The following C11orf65 variants were observed in gnomAD, a reference collection of about 807,000 sequenced individuals.
C11orf65 encodes protein MFI.
In C11orf65, 38 loss-of-function variants were observed where a neutral mutation model predicts 35.3. The ratio of observed to expected loss-of-function variants is 1.08; its 90% confidence interval spans 0.83 to 1.41. The LOEUF (loss-of-function observed/expected upper bound fraction) is 1.41, where lower values mean the gene tolerates loss of function less well. C11orf65 is among the 40% of genes most tolerant of loss of function. The pLI is 0.00. For missense variants in C11orf65, 370 were observed against 367.1 expected (o/e 1.01, Z -0.06); for synonymous variants, 105 against 114.4 (o/e 0.92, Z 0.53).
chr11:108,339,594 A>G (rs1374977627), intron 2 of C11orf65, among the ~76,000 whole-genome samples: 1 of 152,122 alleles, frequency 6.6e-6, no homozygotes, highest in Non-Finnish European at 1.5e-5. Flanking sequence ...TACCAGAGAA[A>G]ACACTGTCAT....
rs984616023 is a variant in C11orf65, at chr11:108,365,151, C to T, written c.226+28057G>A. ...GAAAGCTTTGTATTTACAGCAGAGG[C>T]CGGAAGATGAAACTGAGCTTCACCC... On this transcript the variant is annotated intron_variant, in intron 2 of 3. Coordinates refer to the C11orf65 transcript ENST00000524755. 1 of 1,614,104 alleles carries T rather than the reference C, an allele frequency of 6.2e-7. No homozygotes were observed.
At chr11:108,334,077 A>G (rs1591186010) in intron 3 of C11orf65, 3 of 826,000 alleles carry the variant, frequency 3.6e-6, no homozygotes, top group Admixed American at 3.9e-5. Flanking sequence ...ATATTGGCAA[A>G]TTTCATATGT....
At chr11:108,394,894 G>T (rs2092267289) in intron 6 of C11orf65, among the ~76,000 whole-genome samples, 1 of 151,294 alleles carries the variant, frequency 6.6e-6, no homozygotes, top group African/African-American at 2.4e-5. Context: ...ACTTTGGGAG[G>T]GTAAGGCAGG....
chr11:108,431,111 T>C (rs2092983444), intron 3 of C11orf65, among the ~76,000 whole-genome samples: 1 of 152,144 alleles, frequency 6.6e-6, no homozygotes, highest in Non-Finnish European at 1.5e-5. Flanking sequence ...AATCTGGCAT[T>C]ATCTCCCAGA....
intron 2 of C11orf65, among the ~76,000 whole-genome samples, chr11:108,457,277 T>G (rs2093420394): frequency 6.6e-6 from 1 of 152,050 alleles, no homozygotes. Flanking sequence ...ACTTCTAAAG[T>G]TAATAAAAGA....
At chr11:108,320,555 C>G (rs1418190172) in intron 6 of C11orf65, among the ~76,000 whole-genome samples, 1 of 152,162 alleles carries the variant, frequency 6.6e-6, no homozygotes, top group Non-Finnish European at 1.5e-5. Context: ...CTATGATATG[C>G]TAGCCACTGT....
intron 1 of C11orf65, among the ~76,000 whole-genome samples, chr11:108,463,225 C>T (rs974339229): frequency 3.5e-5 from 5 of 142,174 alleles, no homozygotes; most frequent in African/African-American, 1.2e-4. Context: ...AAACATATAA[C>T]ATACATCTAC....
intron 3 of C11orf65, among the ~76,000 whole-genome samples, chr11:108,427,853 C>T (rs1477770890): frequency 2.2e-5 from 1 of 44,568 alleles, no homozygotes; most frequent in African/African-American, 9.5e-5. Context: ...TTTTTTGAGA[C>T]AGAGTCTCGC....
At chr11:108,461,590 G>A in intron 1 of C11orf65, 22 bp from the exon 2 acceptor site, 3 of 1,331,348 alleles carry the variant, frequency 2.3e-6, no homozygotes, top group Non-Finnish European at 3.2e-6. Flanking sequence ...TGAGCAAAAA[G>A]GGTACATTTA....
At chr11:108,351,516 A>G (rs1591296449) in intron 2 of C11orf65, among the ~76,000 whole-genome samples, 1 of 152,190 alleles carries the variant, frequency 6.6e-6, no homozygotes, top group Admixed American at 6.5e-5. Flanking sequence ...AGGATCTCTC[A>G]TGCAGCTGCA....
intron 8 of C11orf65, among the ~76,000 whole-genome samples, chr11:108,384,111 C>T (rs1364095324): frequency 6.6e-6 from 1 of 152,190 alleles, no homozygotes; most frequent in Non-Finnish European, 1.5e-5. Context: ...ATCCTCCAAA[C>T]TTAGCCTCCC....
At chr11:108,469,285 T>C (rs2093563501), upstream of C11orf65, among the ~76,000 whole-genome samples, 1 of 151,610 alleles carries the variant, frequency 6.6e-6, no homozygotes, top group Admixed American at 6.6e-5. Flanking sequence ...AATTGTACAA[T>C]TGAAACTAGT....
At chr11:108,408,697 A>T (rs903799104) in intron 3 of C11orf65, among the ~76,000 whole-genome samples, 2 of 107,136 alleles carry the variant, frequency 1.9e-5, no homozygotes, top group Admixed American at 1.1e-4. Flanking sequence ...ATAAAATAAA[A>T]TAAAATAAAA....
downstream of C11orf65, chr11:108,327,851 A>C: frequency 9.8e-7 from 1 of 1,018,486 alleles, no homozygotes; most frequent in Non-Finnish European, 1.5e-6. Flanking sequence ...AGCAAATAAA[A>C]GTATGGTTTT....
chr11:108,323,964 A>AGTTTT (rs1187019915), intron 6 of C11orf65, among the ~76,000 whole-genome samples: 1 of 152,196 alleles, frequency 6.6e-6, no homozygotes, highest in Non-Finnish European at 1.5e-5. Flanking sequence ...ATGCTCACTA[A>AGTTTT]GTTTTGTTTT....
intron 6 of C11orf65, among the ~76,000 whole-genome samples, chr11:108,322,962 C>T (rs1183666267): frequency 6.6e-6 from 1 of 151,910 alleles, no homozygotes; most frequent in Non-Finnish European, 1.5e-5. Context: ...TTTGGGTCCT[C>T]AGTTTCCTCA....
chr11:108,404,364 G>A (rs2138619747), intron 6 of C11orf65, among the ~76,000 whole-genome samples: 1 of 152,086 alleles, frequency 6.6e-6, no homozygotes, highest in East Asian at 1.9e-4. Flanking sequence ...TCCAAGATAA[G>A]GCCTTAAAAA....
intron 3 of C11orf65, among the ~76,000 whole-genome samples, chr11:108,425,328 C>G (rs1702644372): frequency 6.6e-6 from 1 of 152,068 alleles, no homozygotes; most frequent in African/African-American, 2.4e-5. Flanking sequence ...CACCACTGAT[C>G]CCAGAGAAAT....
intron 2 of C11orf65, chr11:108,343,331 C>T (rs1354518070): frequency 6.2e-7 from 1 of 1,613,850 alleles, no homozygotes; most frequent in Non-Finnish European, 8.5e-7. Context: ...AGATACAGGC[C>T]AAATGATTTC....
Sources: gnomAD v4.1 joint callset for allele counts (sites outside exome capture counted in the v4.1 genomes callset) on GRCh38, gnomAD v4.1.1 for gene constraint, MANE v1.5 for transcripts, NCBI Gene and HGNC (gene_info 2026-07-23, HGNC 2026-07-21) for gene names.